The following EPB41L3 variants were observed in gnomAD, a reference collection of about 807,000 sequenced individuals.
The protein encoded by EPB41L3 is erythrocyte membrane protein band 4.1 like 3.
EPB41L3 carries 57 observed loss-of-function variants against 127.1 expected under a neutral mutation model. The ratio of observed to expected loss-of-function variants is 0.45; its 90% CI spans 0.36 to 0.56. The LOEUF (loss-of-function observed/expected upper bound fraction) is 0.56. Among genes scored for constraint, EPB41L3 ranks in the 20% least tolerant of loss-of-function variants. The pLI, the probability that EPB41L3 is intolerant of heterozygous loss-of-function variation, is 0.00. For missense variants in EPB41L3, 1,273 were observed against 1,372.2 expected, an observed-to-expected ratio of 0.93 and a Z score of 1.14; for synonymous variants, 572 against 549.5, an observed-to-expected ratio of 1.04 and a Z score of -0.57.
chr18:5,538,994 G>GTTTTTTTTTTTTTTTTTT (rs1568535153), intron 1 of EPB41L3, among the ~76,000 whole-genome samples: 2 of 128,628 alleles, frequency 1.6e-5, no homozygotes, highest in South Asian at 2.5e-4. Context: ...CTTTCTCCAA[G>GTTTTTTTTTTTTTTTTTT]ATTTTTTTTT....
chr18:5,443,601 T>G (rs2081085358), intron 5 of EPB41L3, among the ~76,000 whole-genome samples: 1 of 152,242 alleles, frequency 6.6e-6, no homozygotes, highest in South Asian at 2.1e-4. Flanking sequence ...TAACATCAGT[T>G]GATTAAATCA....
intron 3 of EPB41L3, among the ~76,000 whole-genome samples, chr18:5,552,737 ACC>A (rs1334126155): frequency 7.2e-6 from 1 of 138,452 alleles, no homozygotes; most frequent in Non-Finnish European, 1.5e-5. Flanking sequence ...TTTCACCATC[ACC>A]AGAACCCTCC....
rs1371895183 is a variant in EPB41L3 at position 5,460,985 on chromosome 18, A to T, written c.382-15741T>A. The stretch of plus-strand genomic sequence containing the variant: ...GAAACCCCAAGTTAAAGTAAAATTC[A>T]CTTTTGAAATATTACATTTCCAGTT... On this transcript the variant is annotated intron_variant, in intron 3 of 22. Coordinates refer to ENST00000341928, the MANE Select transcript of EPB41L3 (RefSeq NM_012307.5). Among the ~76,000 whole-genome samples the T allele has an allele frequency of 3.3e-5, 5 of 152,296 alleles. No homozygotes were observed. The East Asian group carries it at 9.6e-4, about 29-fold the overall frequency.
chr18:5,406,793 G>GGTTC lies in EPB41L3; in HGVS notation c.2329_2332dup (p.Pro778ArgfsTer6). On this transcript the variant is annotated frameshift_variant, in exon 16 of 23. Transcript: ENST00000341928. LOFTEE classifies it high-confidence loss of function. ...ACTACTGACCTCTTCAGGGACAAGT[G>GGTTC]GTTCGATCATGGGGGCATCCTCCTG... 1 of 1,614,032 alleles carries GGTTC rather than the reference G, an allele frequency of 6.2e-7. No homozygotes were observed.
In EPB41L3 at chr18:5,476,115, T is replaced by G. The variant is rs543413673; in HGVS notation, c.381+2126A>C. Among the ~76,000 whole-genome samples the G allele has an allele frequency of 3.9e-5, 6 of 152,240 alleles. No individual in the cohort carries two copies. In the South Asian group the frequency reaches 1.2e-3, roughly 32 times the overall value. On this transcript the variant is annotated intron_variant, in intron 3 of 22. Coordinates refer to ENST00000341928, the MANE Select transcript of EPB41L3 (RefSeq NM_012307.5). ...ATCACTCTGCTTGATTTACAATACATTTTTCTCATTCAACCAATCGGTTAC... is the reference window on the plus strand; with the variant it reads ...ATCACTCTGCTTGATTTACAATACAGTTTTCTCATTCAACCAATCGGTTAC...
intron 3 of EPB41L3, among the ~76,000 whole-genome samples, chr18:5,456,219 C>T (rs755166469): frequency 6.6e-6 from 1 of 152,114 alleles, no homozygotes; most frequent in Admixed American, 6.6e-5. Context: ...AATCAAAAAA[C>T]ATGAGAATAA....
intron 1 of EPB41L3, among the ~76,000 whole-genome samples, chr18:5,520,697 G>A (rs1349987892): frequency 1.3e-5 from 2 of 152,148 alleles, no homozygotes; most frequent in African/African-American, 4.8e-5. Flanking sequence ...CTATCATGAG[G>A]GGATCATTAA....
chr18:5,471,206 G>A (rs2086084234), intron 3 of EPB41L3, among the ~76,000 whole-genome samples: 1 of 152,148 alleles, frequency 6.6e-6, no homozygotes, highest in African/African-American at 2.4e-5. Flanking sequence ...AGTATGCTAT[G>A]GGGAATTAGG....
At chr18:5,461,747 G>C (rs1211706915) in intron 3 of EPB41L3, among the ~76,000 whole-genome samples, 1 of 152,142 alleles carries the variant, frequency 6.6e-6, no homozygotes, top group Non-Finnish European at 1.5e-5. Context: ...ATAGCAATCT[G>C]ACAAGGGAAA....
chr18:5,604,415 T>C (rs1252785254), intron 3 of EPB41L3, among the ~76,000 whole-genome samples: 1 of 152,122 alleles, frequency 6.6e-6, no homozygotes, highest in Non-Finnish European at 1.5e-5. Flanking sequence ...TTAAAAGTCA[T>C]ACCTTTTTAT....
chr18:5,407,124 T>A, intron 15 of EPB41L3, 156 bp from the exon 16 acceptor site: 1 of 623,140 alleles, frequency 1.6e-6, no homozygotes. Context: ...AACACTCTGG[T>A]GAAAATGTGA....
chr18:5,471,660 G>A (rs2086166150), intron 3 of EPB41L3, among the ~76,000 whole-genome samples: 1 of 152,204 alleles, frequency 6.6e-6, no homozygotes, highest in African/African-American at 2.4e-5. Context: ...CGATGGAGCA[G>A]AGCGTTTACC....
intron 1 of EPB41L3, among the ~76,000 whole-genome samples, chr18:5,523,988 C>T (rs2093113226): frequency 6.6e-6 from 1 of 151,732 alleles, no homozygotes; most frequent in Non-Finnish European, 1.5e-5. Context: ...TTTATATATA[C>T]ATATATATGT....
At chr18:5,481,690 A>C (rs2088561135) in intron 2 of EPB41L3, among the ~76,000 whole-genome samples, 1 of 152,204 alleles carries the variant, frequency 6.6e-6, no homozygotes, top group South Asian at 2.1e-4. Flanking sequence ...ACTGAATCAG[A>C]GTGGCTGTTC....
Position 5,433,535 on chromosome 18 carries a change from T to A in EPB41L3, c.846A>T (p.Ala282=). 1 of 1,613,092 alleles carries A rather than the reference T, an allele frequency of 6.2e-7. No individual in the cohort carries two copies. Among genetic ancestry groups the A allele is most frequent in the Admixed American group, 1.7e-5 (1 of 59,990 alleles). Residue 282 remains alanine, a synonymous_variant, in exon 8 of 23, where the codon GCA becomes GCT. Transcript: ENST00000341928. ...KSHRGMTPAE[A]EMHFLENAKK... The stretch of plus-strand genomic sequence containing the variant: ...TGGCATTTTCCAAGAAATGCATCTC[T>A]GCTTCTGCTGGCGTCATTCCTCTGA...
Position 5,410,586 on chromosome 18 carries a change from C to G in EPB41L3, c.2101G>C (p.Gly701Arg), listed in dbSNP as rs1338064574. ...CCAACCTCAGTGGCAGTGGTCTCCC[C>G]GTCGGCTGCGGTGTCCGTGCGCTCA... is the stretch of plus-strand genomic sequence containing the variant. ...DSERTDTAAD[G>R]ETTATESDQE... The change falls in exon 14 of 23, where the codon GGG (glycine) becomes CGG (arginine). Residue 701 changes from glycine (G) to arginine (R), a missense_variant. Gly to Arg is a moderately radical substitution (Grantham distance 125). This residue lies in a region of EPB41L3 where 765 missense variants were observed against 782.9 expected (regional missense o/e 0.98). Coordinates refer to ENST00000341928, the MANE Select transcript of EPB41L3 (RefSeq NM_012307.5). 2 of 1,613,552 alleles carry G rather than the reference C, an allele frequency of 1.2e-6. No homozygotes were observed. Among genetic ancestry groups the G allele is most frequent in the African/African-American group, 1.3e-5 (1 of 74,914 alleles).
At chr18:5,487,525 T>C (rs941118261) in intron 2 of EPB41L3, among the ~76,000 whole-genome samples, 5 of 150,942 alleles carry the variant, frequency 3.3e-5, no homozygotes, top group African/African-American at 1.2e-4. Flanking sequence ...AGAGTCTTGC[T>C]CTGTCGCCCA....
chr18:5,424,061 T>C (rs1271906124), intron 10 of EPB41L3, among the ~76,000 whole-genome samples: 2 of 152,198 alleles, frequency 1.3e-5, no homozygotes, highest in Admixed American at 1.3e-4. Context: ...GTTTGGGACA[T>C]GTAAGTACAT....
chr18:5,395,150 G>A lies in EPB41L3; in HGVS notation c.3073-3C>T, dbSNP rs2143613851. 6.2e-7 allele frequency: 1 copy of A among 1,613,346 alleles called. No homozygotes were observed. Among genetic ancestry groups the A allele is most frequent in the Admixed American group, 1.7e-5 (1 of 60,020 alleles). On this transcript the variant is annotated splice_polypyrimidine_tract_variant and splice_region_variant and intron_variant, in intron 20 of 22. Coordinates refer to ENST00000341928, the MANE Select transcript of EPB41L3 (RefSeq NM_012307.5). ...TCTGAAATGCCCCCTTTCACAGTCT[G>A]CAAGACACGTAGAGAAGCTTTATGA...
Sources: gnomAD v4.1 joint callset for allele counts (sites outside exome capture counted in the v4.1 genomes callset) on GRCh38, gnomAD v4.1.1 for gene constraint, gnomAD v4.1.1 regional missense constraint, MANE v1.5 for transcripts, NCBI Gene and HGNC (gene_info 2026-07-23, HGNC 2026-07-21) for gene names.